The following CD6 variants were observed in gnomAD, a reference collection of about 807,000 sequenced individuals.
CD6 encodes CD6 molecule.
CD6 carries 53 observed loss-of-function variants against 75.3 expected under a neutral mutation model. The ratio of observed to expected loss-of-function variants is 0.70; its 90% CI spans 0.56 to 0.88. The LOEUF (loss-of-function observed/expected upper bound fraction) is 0.88. Ranked by LOEUF, CD6 falls within the 40% of genes least tolerant of loss-of-function variation. The pLI is 0.00. For synonymous variants in CD6, 359 were observed against 381.5 expected, an observed-to-expected ratio of 0.94 and a Z score of 0.69; for missense variants, 770 against 897.1, an observed-to-expected ratio of 0.86 and a Z score of 1.81.
rs1157588150 is a variant in CD6, at chr11:60,991,744, A to C, written c.50-14830A>C. Among the ~76,000 whole-genome samples, 5 of 147,948 alleles carry C rather than the reference A, an allele frequency of 3.4e-5. No homozygotes were observed. The East Asian group carries it at 8.0e-4, about 24-fold the overall frequency. Reference sequence around the variant, plus strand: ...TGGAGTGCAGTGATGATCATAGCTTACTGCAACCTCGAACTCCTGGGCTCA... The same window carrying C: ...TGGAGTGCAGTGATGATCATAGCTTCCTGCAACCTCGAACTCCTGGGCTCA... On this transcript the variant is annotated intron_variant, in intron 1 of 12. Coordinates refer to ENST00000313421, the MANE Select transcript of CD6 (RefSeq NM_006725.5).
intron 1 of CD6, among the ~76,000 whole-genome samples, chr11:60,996,055 G>A (rs1023289075): frequency 6.6e-6 from 1 of 152,212 alleles, no homozygotes; most frequent in African/African-American, 2.4e-5. Context: ...GTGTGGTTAC[G>A]AATGTGGCCT....
At chr11:60,982,784 A>T in intron 1 of CD6, 1 of 455,460 alleles carries the variant, frequency 2.2e-6, no homozygotes, top group South Asian at 1.5e-5. Flanking sequence ...CGAAGTGGGG[A>T]ACGACATGCC....
chr11:60,980,200 A>C, intron 1 of CD6, among the ~76,000 whole-genome samples: 1 of 152,214 alleles, frequency 6.6e-6, no homozygotes, highest in East Asian at 1.9e-4. Flanking sequence ...ATGAGTCCAT[A>C]GTTTGAAAAT....
At position 60,971,749 on chromosome 11, in the gene CD6, C is replaced by A; in HGVS notation, c.-117C>A. 1.0e-6 allele frequency: 1 copy of A among 960,554 alleles called. No homozygotes were observed. Among genetic ancestry groups the A allele is most frequent in the South Asian group, 1.4e-5 (1 of 71,562 alleles). The allele number at this position is 960,554 out of a possible 1,614,324, so 59.5% of individuals were successfully genotyped here. On this transcript the variant is annotated 5_prime_UTR_variant, in exon 1 of 13. Coordinates refer to ENST00000313421, the MANE Select transcript of CD6 (RefSeq NM_006725.5). The stretch of plus-strand genomic sequence containing the variant: ...GCAGAGAGAGACACAGGAACAAGAA[C>A]AGCAAAGGGTAGAGCAGACCTGCGC...
At chr11:61,014,368 T>C (rs1239171887) in intron 8 of CD6, among the ~76,000 whole-genome samples, 1 of 152,254 alleles carries the variant, frequency 6.6e-6, no homozygotes, top group Non-Finnish European at 1.5e-5. Flanking sequence ...TCCTGCCCAA[T>C]TGGCCTTGCG....
At chr11:60,975,814 A>AG (rs1356962986) in intron 1 of CD6, among the ~76,000 whole-genome samples, 1 of 152,200 alleles carries the variant, frequency 6.6e-6, no homozygotes, top group African/African-American at 2.4e-5. Flanking sequence ...ATAAAAAAGT[A>AG]GGGGGAGGGT....
At chr11:61,000,575 G>A (rs1403870687) in intron 1 of CD6, among the ~76,000 whole-genome samples, 2 of 152,152 alleles carry the variant, frequency 1.3e-5, no homozygotes, top group Non-Finnish European at 2.9e-5. Flanking sequence ...CGGCCAGGGC[G>A]GCATTCTGGG....
Position 61,019,340 on chromosome 11 carries a change from T to TG in CD6, c.*26dup, listed in dbSNP as rs762374013. The TG allele has an allele frequency of 1.3e-6, 2 of 1,598,438 alleles. No homozygotes were observed. The highest frequency in any genetic ancestry group is 1.7e-6 in the Non-Finnish European group (2 of 1,175,036). On this transcript the variant is annotated 3_prime_UTR_variant, in exon 13 of 13. Coordinates refer to ENST00000313421, the MANE Select transcript of CD6 (RefSeq NM_006725.5). ...CTAGGCCGGGGCCAGCCGAGGCTCC[T>TG]GGGGTGGCTCTGACCCTCTGGCCTC... is the stretch of plus-strand genomic sequence containing the variant.
intron 1 of CD6, among the ~76,000 whole-genome samples, chr11:60,994,390 G>A (rs1204384409): frequency 7.2e-6 from 1 of 138,414 alleles, no homozygotes; most frequent in African/African-American, 2.7e-5. Flanking sequence ...GCAGTAAGCC[G>A]AGATCGTGCC....
chr11:60,992,927 G>A (rs1172552427), intron 1 of CD6, among the ~76,000 whole-genome samples: 1 of 152,134 alleles, frequency 6.6e-6, no homozygotes, highest in East Asian at 1.9e-4. Context: ...CTAAAGTCTG[G>A]CGGGGGATCA....
At chr11:60,985,615 T>C (rs1845633797) in intron 1 of CD6, among the ~76,000 whole-genome samples, 1 of 152,030 alleles carries the variant, frequency 6.6e-6, no homozygotes, top group African/African-American at 2.4e-5. Context: ...ACCAAAAGTG[T>C]CATTAAATAG....
intron 1 of CD6, among the ~76,000 whole-genome samples, chr11:60,976,313 C>T (rs1486093191): frequency 6.6e-6 from 1 of 152,170 alleles, no homozygotes; most frequent in Admixed American, 6.6e-5. Context: ...ATATCAAGTT[C>T]TCTTAAATAT....
At chr11:61,013,339 G>A (rs547813856) in intron 6 of CD6, 84 bp from the exon 7 acceptor site, 16 of 1,473,018 alleles carry the variant, frequency 1.1e-5, no homozygotes, top group African/African-American at 1.4e-5. Flanking sequence ...AGGGAAGCAG[G>A]TCAGCTTTAC....
At chr11:60,974,069 C>T (rs1857282299) in intron 1 of CD6, among the ~76,000 whole-genome samples, 1 of 151,798 alleles carries the variant, frequency 6.6e-6, no homozygotes, top group Non-Finnish European at 1.5e-5. Flanking sequence ...GTTGGGCCGA[C>T]CATATTGGGG....
rs1365022978 is a variant in CD6, at chr11:61,008,534, A to G, written c.470A>G (p.Glu157Gly). 7 of 1,591,542 alleles carry G rather than the reference A, an allele frequency of 4.4e-6. No individual in the cohort carries two copies. The highest frequency in any genetic ancestry group is 8.6e-7 in the Non-Finnish European group (1 of 1,168,490). Residue 157 changes from glutamate to glycine, a missense_variant and splice_region_variant, in exon 4 of 13, where the codon GAG (glutamate) becomes GGG (glycine). By Grantham distance (98) the Glu-to-Gly change is moderately conservative. Transcript: ENST00000313421. Reference sequence around the variant, plus strand: ...ATCCACAACCCCCTCCCACCCCTAGAGAACCGCGCGCTGCGCCTGGTGGAC... The same window carrying G: ...ATCCACAACCCCCTCCCACCCCTAGGGAACCGCGCGCTGCGCCTGGTGGAC... ...DGRRARVTCA[E>G]NRALRLVDGG...
intron 1 of CD6, among the ~76,000 whole-genome samples, chr11:60,998,068 T>C (rs1858391420): frequency 1.3e-5 from 2 of 152,164 alleles, no homozygotes; most frequent in Non-Finnish European, 2.9e-5. Context: ...TTCCCATCTA[T>C]ATTGACAGCA....
At chr11:60,974,894 C>A (rs910919520) in intron 1 of CD6, among the ~76,000 whole-genome samples, 3 of 152,090 alleles carry the variant, frequency 2.0e-5, no homozygotes, top group African/African-American at 4.8e-5. Context: ...AAGCTTTTGT[C>A]CAGATCTGAC....
In CD6 at chr11:61,008,377, C is replaced by T. The variant is rs1170695211; in HGVS notation, c.470-157C>T. The T allele has an allele frequency of 4.2e-6, 3 of 707,470 alleles. No individual in the cohort carries two copies. In the African/African-American group the frequency reaches 5.4e-5, roughly 13 times the overall value. 43.8% of individuals were successfully genotyped at this position (707,470 alleles called of 1,614,324 possible). Reference sequence around the variant, plus strand: ...CAGCCTGCGGCTCTACCTAACCCATCTGCAGTCCTGGGGGGATTCCCAGTC... The same window carrying T: ...CAGCCTGCGGCTCTACCTAACCCATTTGCAGTCCTGGGGGGATTCCCAGTC... On this transcript the variant is annotated intron_variant, in intron 3 of 12. Coordinates refer to ENST00000313421, the MANE Select transcript of CD6 (RefSeq NM_006725.5).
At chr11:61,012,512 G>A (rs997061119) in intron 6 of CD6, among the ~76,000 whole-genome samples, 3 of 152,134 alleles carry the variant, frequency 2.0e-5, no homozygotes, top group Non-Finnish European at 4.4e-5. Flanking sequence ...GACGGGGAGA[G>A]GAGAAAATGA....
Sources: allele counts gnomAD v4.1 joint callset (sites outside exome capture counted in the v4.1 genomes callset), GRCh38; gene constraint gnomAD v4.1.1; transcripts MANE v1.5; gene names NCBI Gene and HGNC (gene_info 2026-07-23, HGNC 2026-07-21).